The following SI variants were observed in gnomAD, a reference collection of about 807,000 sequenced individuals.
SI encodes sucrase-isomaltase.
In SI, 235 loss-of-function variants were observed where a neutral mutation model predicts 253.3. That is an observed-to-expected ratio of 0.93 (90% CI 0.83 to 1.03). The LOEUF (loss-of-function observed/expected upper bound fraction) is 1.03. Ranked by LOEUF, SI falls within the 50% of genes least tolerant of loss-of-function variation. The pLI, the probability that SI is intolerant of heterozygous loss-of-function variation, is 0.00. For synonymous variants in SI, 819 were observed against 712.0 expected (o/e 1.15, Z -2.39); for missense variants, 2,442 against 2,211.1 (o/e 1.10, Z -2.09).
chr3:165,060,003 C>T lies in SI; in HGVS notation c.1045G>A (p.Ala349Thr), dbSNP rs778816768. 21 of 1,611,502 alleles carry T rather than the reference C, an allele frequency of 1.3e-5. No homozygotes were observed. Among genetic ancestry groups the T allele is most frequent in the Non-Finnish European group, 1.7e-5 (20 of 1,178,396 alleles). Residue 349 changes from alanine (A) to threonine (T), a missense_variant, in exon 10 of 48, where the codon GCA becomes ACA. Coordinates refer to ENST00000264382, the MANE Select transcript of SI (RefSeq NM_001041.4). Reference protein sequence around the residue: ...QQLVGLPAMPAYWNLGFQLSR... With the variant: ...QQLVGLPAMPTYWNLGFQLSR... ...AGTTGGAATCCAAGATTCCAATATG[C>T]TGGCATTGCTGGTAGTCCAACAAGC...
chr3:165,076,097 C>CT lies in SI; in HGVS notation c.1-86dup, dbSNP rs370466160. ...AACAATTCTCATGAAATTACATATT[C>CT]TTTTTTTTACTATGTATAATGCAGA... On this transcript the variant is annotated intron_variant, in intron 1 of 47. Transcript: ENST00000264382. The CT allele has an allele frequency of 2.3e-3, 2,305 of 1,009,352 alleles. 8 individuals carry two copies. Among genetic ancestry groups the CT allele is most frequent in the Middle Eastern group, 9.5e-3 (28 of 2,940 alleles). 62.5% of individuals were successfully genotyped at this position (1,009,352 alleles called of 1,614,324 possible).
In SI at chr3:164,982,295, G is replaced by A. The variant is rs146501096; in HGVS notation, c.5363C>T (p.Thr1788Met). ...GTTPVNAVTLTYNGNKNSLPF... is the reference protein window; with the variant it reads ...GTTPVNAVTLMYNGNKNSLPF... ...AAGCGAATTTTTATTTCCGTTATAC[G>A]TTAGAGTAACTGCATTGACAGGAGT... The change falls in exon 47 of 48, where the codon ACG (threonine) becomes ATG (methionine). Residue 1788 changes from threonine (T) to methionine (M), a missense_variant. Physicochemically the swap from Thr to Met is moderately conservative, Grantham distance 81 (BLOSUM62 -1). Coordinates refer to ENST00000264382, the MANE Select transcript of SI (RefSeq NM_001041.4). 149 of 1,612,844 alleles carry A rather than the reference G, an allele frequency of 9.2e-5. No individual in the cohort carries two copies. The African/African-American group carries it at 1.1e-3, about 12-fold the overall frequency.
intron 40 of SI, among the ~76,000 whole-genome samples, chr3:164,995,157 G>A (rs1224773707): frequency 6.6e-6 from 1 of 151,546 alleles, no homozygotes; most frequent in Non-Finnish European, 1.5e-5. Flanking sequence ...GCATGACTGG[G>A]GCCCTTTATA....
intron 37 of SI, among the ~76,000 whole-genome samples, chr3:165,001,088 C>A (rs1167611900): frequency 6.6e-6 from 1 of 150,858 alleles, no homozygotes; most frequent in African/African-American, 2.4e-5. Flanking sequence ...TAATTAATAT[C>A]TTTATTTTAG....
intron 34 of SI, among the ~76,000 whole-genome samples, chr3:165,009,974 T>C (rs1718698425): frequency 1.3e-5 from 2 of 152,112 alleles, no homozygotes; most frequent in Non-Finnish European, 2.9e-5. Flanking sequence ...TAGCAAAAGA[T>C]TGACCTGCAG....
intron 4 of SI, 110 bp downstream of exon 4, chr3:165,068,968 G>T: frequency 9.6e-7 from 1 of 1,044,150 alleles, no homozygotes; most frequent in Non-Finnish European, 1.5e-6. Flanking sequence ...TAAGGAATTT[G>T]AACATTCTCA....
At chr3:164,989,814 T>TA (rs1717645175) in intron 44 of SI, among the ~76,000 whole-genome samples, 1 of 151,990 alleles carries the variant, frequency 6.6e-6, no homozygotes, top group South Asian at 2.1e-4. Context: ...TATAACTAAG[T>TA]AAAAAAAGTC....
rs141838909 is a variant in SI, at chr3:165,070,789, C to T, written c.256-1594G>A. Among the ~76,000 whole-genome samples, 59 of 152,128 alleles carry T rather than the reference C, an allele frequency of 3.9e-4. 1 individual carries two copies. Among genetic ancestry groups the T allele is most frequent in the African/African-American group, 1.4e-3 (58 of 41,516 alleles). On this transcript the variant is annotated intron_variant, in intron 3 of 47. Transcript: ENST00000264382. ...TATTAGTTTCCTATGTCTTTCATAA[C>T]AACCATGGAAAAGGTGACTTAAAGC...
chr3:165,074,780 A>G, intron 2 of SI, 113 bp from the exon 3 acceptor site: 1 of 893,384 alleles, frequency 1.1e-6, no homozygotes, highest in South Asian at 1.6e-5. Flanking sequence ...TAAAATGAAA[A>G]TTTTAAAATA....
rs778412409 is a variant in SI at position 165,059,959 on chromosome 3, C to T, written c.1089G>A (p.Lys363=). Residue 363 remains lysine (K), a synonymous_variant, in exon 10 of 48, where the codon AAG becomes AAA. Coordinates refer to ENST00000264382, the MANE Select transcript of SI (RefSeq NM_001041.4). ...CCACTTCTTTCACTACATCTAGTGA[C>T]TTATAATTCCAGCGACTTAGTTGGA... The part of the protein sequence containing the change: ...LGFQLSRWNY[K]SLDVVKEVVR... 47 of 1,611,726 alleles carry T rather than the reference C, an allele frequency of 2.9e-5. No homozygotes were observed. The highest frequency in any genetic ancestry group is 3.7e-5 in the Non-Finnish European group (44 of 1,178,422).
chr3:165,033,337 A>G (rs1380799386), intron 23 of SI, 58 bp downstream of exon 23: 3 of 1,432,066 alleles, frequency 2.1e-6, no homozygotes, highest in East Asian at 5.1e-5. Context: ...ATCATAAAAG[A>G]ATAACCTAGG....
At chr3:165,001,740 G>C (rs570349366) in intron 37 of SI, among the ~76,000 whole-genome samples, 20 of 151,372 alleles carry the variant, frequency 1.3e-4, no homozygotes, top group African/African-American at 3.4e-4. Flanking sequence ...TATAACTAAA[G>C]TAACTTCTAA....
At chr3:165,077,318 T>C (rs1715061430) in intron 1 of SI, among the ~76,000 whole-genome samples, 1 of 151,704 alleles carries the variant, frequency 6.6e-6, no homozygotes, top group South Asian at 2.1e-4. Flanking sequence ...ACAGTTAATC[T>C]AGCCTTTCTT....
intron 1 of SI, among the ~76,000 whole-genome samples, chr3:165,076,740 T>C (rs1035556776): frequency 7.3e-5 from 11 of 151,702 alleles, no homozygotes; most frequent in Non-Finnish European, 1.2e-4. Flanking sequence ...AGGTAGCATA[T>C]GGAAGATACC....
At chr3:165,087,235 G>C in the SI span, among the ~76,000 whole-genome samples, 4 of 152,110 alleles carry the variant, frequency 2.6e-5, no homozygotes, top group Non-Finnish European at 5.9e-5. Context: ...ACTGGGTTGG[G>C]ACAGAATCAC....
rs79330559 is a variant in SI, at chr3:165,020,966, C to T, written c.3254+263G>A. Among the ~76,000 whole-genome samples, 1,416 of 151,646 alleles carry T rather than the reference C, an allele frequency of 9.3e-3. 6 individuals carry two copies. The highest frequency in any genetic ancestry group is 0.016 in the Non-Finnish European group (1,076 of 67,696). On this transcript the variant is annotated intron_variant, in intron 27 of 47. Transcript: ENST00000264382. ...TAAAAGAGGTTTTGGTTTTGGTTCT[C>T]AACTTGATTAGAAGAATGAGTCTGA...
intron 41 of SI, among the ~76,000 whole-genome samples, chr3:164,993,631 C>A (rs187303807): frequency 6.7e-4 from 102 of 151,622 alleles, no homozygotes; most frequent in East Asian, 2.1e-3. Flanking sequence ...TGACTGCATG[C>A]TTTGCTTTTT....
At chr3:165,077,230 TC>T (rs1715054305) in intron 1 of SI, among the ~76,000 whole-genome samples, 1 of 151,516 alleles carries the variant, frequency 6.6e-6, no homozygotes, top group South Asian at 2.1e-4. Flanking sequence ...TTTCAATCCC[TC>T]CCCATCCACT....
chr3:164,990,072 T>A (rs1717657440), intron 44 of SI, among the ~76,000 whole-genome samples: 1 of 151,982 alleles, frequency 6.6e-6, no homozygotes, highest in Admixed American at 6.6e-5. Context: ...ACTGTGGTCT[T>A]TGGGTGATAA....
Sources: gnomAD v4.1 joint callset for allele counts (sites outside exome capture counted in the v4.1 genomes callset) on GRCh38, gnomAD v4.1.1 for gene constraint, MANE v1.5 for transcripts, NCBI Gene and HGNC (gene_info 2026-07-23, HGNC 2026-07-21) for gene names.